Variants in KIAA0232 observed in about 807,000 individuals in gnomAD.
The protein encoded by KIAA0232 is uncharacterized protein KIAA0232.
In KIAA0232, 27 loss-of-function variants were observed where a neutral mutation model predicts 122.0. The observed-to-expected ratio is 0.22, with a 90% CI of 0.16 to 0.31. The LOEUF is 0.31. KIAA0232 is among the 10% of genes least tolerant of loss of function. The pLI, the probability that KIAA0232 is intolerant of heterozygous loss-of-function variation, is 1.00. For missense variants in KIAA0232, 1,551 were observed against 1,634.2 expected (o/e 0.95, Z 0.88); for synonymous variants, 613 against 587.6 (o/e 1.04, Z -0.63).
intron 2 of KIAA0232, among the ~76,000 whole-genome samples, chr4:6,808,432 G>C (rs536856823): frequency 1.3e-5 from 2 of 149,474 alleles, no homozygotes; most frequent in African/African-American, 5.0e-5. Context: ...GAAAGGACCA[G>C]TTAAAAATAT....
intron 4 of KIAA0232, among the ~76,000 whole-genome samples, chr4:6,853,253 C>A (rs1223324783): frequency 2.6e-5 from 4 of 152,080 alleles, no homozygotes; most frequent in Admixed American, 1.3e-4. Context: ...AAAATTATAA[C>A]CATGATAATA....
intron 3 of KIAA0232, among the ~76,000 whole-genome samples, chr4:6,827,676 G>A (rs1445951884): frequency 1.3e-5 from 2 of 152,206 alleles, no homozygotes; most frequent in African/African-American, 4.8e-5. Context: ...TTTGGTCTCA[G>A]TTGTGCAGGA....
rs746265750 is a variant in KIAA0232, at chr4:6,824,416, A to G, written c.-38A>G. 1.3e-6 allele frequency: 2 copies of G among 1,527,284 alleles called. No homozygotes were observed. The highest frequency in any genetic ancestry group is 2.2e-5 in the East Asian group (1 of 44,468). 94.6% of individuals were successfully genotyped at this position (1,527,284 alleles called of 1,614,324 possible). ...TACCAACAGAATATCAACTGCAGAA[A>G]ATGCTTCACATTTTAAGGATGTCGG... On this transcript the variant is annotated 5_prime_UTR_variant, in exon 3 of 10. Coordinates refer to ENST00000307659, the MANE Select transcript of KIAA0232 (RefSeq NM_014743.3).
chr4:6,822,766 C>CTT (rs537963057), intron 2 of KIAA0232, among the ~76,000 whole-genome samples: 1 of 136,674 alleles, frequency 7.3e-6, no homozygotes, highest in Admixed American at 7.3e-5. Context: ...AGACAAGTTT[C>CTT]TTTTTTTTTT....
At chr4:6,813,882 A>G (rs1717994381) in intron 2 of KIAA0232, among the ~76,000 whole-genome samples, 1 of 152,106 alleles carries the variant, frequency 6.6e-6, no homozygotes, top group Admixed American at 6.5e-5. Flanking sequence ...GGGCTGCCAT[A>G]GGAGTGAGCC....
intron 4 of KIAA0232, among the ~76,000 whole-genome samples, chr4:6,851,155 A>G (rs571623012): frequency 6.6e-6 from 1 of 152,318 alleles, no homozygotes; most frequent in South Asian, 2.1e-4. Context: ...TCTTATATGA[A>G]TTACTTTGTT....
intron 4 of KIAA0232, among the ~76,000 whole-genome samples, chr4:6,849,694 G>C (rs774507390): frequency 1.3e-5 from 2 of 151,954 alleles, no homozygotes; most frequent in Non-Finnish European, 2.9e-5. Context: ...TGGGAAAATT[G>C]CTTGAACCAG....
intron 1 of KIAA0232, among the ~76,000 whole-genome samples, chr4:6,797,216 T>G (rs796933982): frequency 8.5e-5 from 13 of 152,332 alleles, no homozygotes; most frequent in African/African-American, 2.4e-4. Flanking sequence ...CTCCTCTGAC[T>G]GGAACTTACT....
At chr4:6,827,547 C>T (rs796235701) in intron 3 of KIAA0232, among the ~76,000 whole-genome samples, 3 of 152,336 alleles carry the variant, frequency 2.0e-5, no homozygotes, top group African/African-American at 7.2e-5. Flanking sequence ...TTCGCTCACC[C>T]CTTAGTCCTT....
Position 6,862,943 on chromosome 4 carries a change from A to G in KIAA0232, c.2561A>G (p.Asp854Gly). The G allele has an allele frequency of 6.2e-7, 1 of 1,614,220 alleles. No individual in the cohort carries two copies. Among genetic ancestry groups the G allele is most frequent in the South Asian group, 1.1e-5 (1 of 91,086 alleles). ...ERTDAELFSA[D>G]VNNYCCCLDA... ...ACTGATGCTGAGTTGTTTTCGGCAG[A>G]TGTAAATAACTACTGCTGCTGTCTA... Residue 854 changes from aspartate (D) to glycine (G), a missense_variant, in exon 7 of 10, where the codon GAT becomes GGT. Physicochemically the swap from Asp to Gly is moderately conservative, Grantham distance 94 (BLOSUM62 -1). Coordinates refer to ENST00000307659, the MANE Select transcript of KIAA0232 (RefSeq NM_014743.3).
chr4:6,829,919 T>C (rs1363524612), intron 3 of KIAA0232, among the ~76,000 whole-genome samples: 1 of 152,232 alleles, frequency 6.6e-6, no homozygotes, highest in Admixed American at 6.5e-5. Context: ...ATTGTTCTTA[T>C]AACCCCAAAT....
At chr4:6,791,863 T>C (rs1165622374) in intron 1 of KIAA0232, among the ~76,000 whole-genome samples, 1 of 152,186 alleles carries the variant, frequency 6.6e-6, no homozygotes, top group Non-Finnish European at 1.5e-5. Context: ...CATCTTGAAT[T>C]CCCACATGTT....
rs533666759 is a variant in KIAA0232, at chr4:6,793,556, C to T, written c.-354+10715C>T. On this transcript the variant is annotated intron_variant, in intron 1 of 9. Transcript: ENST00000307659. Reference sequence around the variant, plus strand: ...AGTAAAACCTTAAGCTCATCATAGGCGAGTCAGAAATGAAAATAAAGTTTA... The same window carrying T: ...AGTAAAACCTTAAGCTCATCATAGGTGAGTCAGAAATGAAAATAAAGTTTA... Among the ~76,000 whole-genome samples, 36 of 152,140 alleles carry T rather than the reference C, an allele frequency of 2.4e-4. 1 individual carries two copies. In the South Asian group the frequency reaches 6.9e-3, roughly 29 times the overall value.
chr4:6,840,436 C>G (rs753822256), intron 3 of KIAA0232, among the ~76,000 whole-genome samples: 1 of 152,222 alleles, frequency 6.6e-6, no homozygotes, highest in Non-Finnish European at 1.5e-5. Flanking sequence ...TGCTCAGCAG[C>G]TAGCCTCCAG....
chr4:6,819,074 A>G (rs894674311), intron 2 of KIAA0232, among the ~76,000 whole-genome samples: 10 of 152,236 alleles, frequency 6.6e-5, no homozygotes, highest in African/African-American at 2.4e-4. Context: ...ATAAAAATTG[A>G]CCCAACATGG....
chr4:6,882,003 G>T lies in KIAA0232; in HGVS notation c.*1037G>T, dbSNP rs1722093427. The T allele has an allele frequency of 6.6e-6, 1 of 152,668 alleles. No individual in the cohort carries two copies. Among genetic ancestry groups the T allele is most frequent in the Non-Finnish European group, 1.5e-5 (1 of 68,056 alleles). 9.5% of individuals were successfully genotyped at this position (152,668 alleles called of 1,614,324 possible). ...TTCTGTGTGTGGTGGGTTGGGGCGG[G>T]TAGAGTCATGAGTTTTCCACATCCC... On this transcript the variant is annotated 3_prime_UTR_variant, in exon 10 of 10. Coordinates refer to ENST00000307659, the MANE Select transcript of KIAA0232 (RefSeq NM_014743.3).
rs574727226 is a variant in KIAA0232 at position 6,792,963 on chromosome 4, G to A, written c.-354+10122G>A. ...AGCCTCCCAAAGTGCTGGGATTACA[G>A]GCATGAGCCACCGTGCTCGGCCATT... On this transcript the variant is annotated intron_variant, in intron 1 of 9. Transcript: ENST00000307659. Among the ~76,000 whole-genome samples, 3 of 152,196 alleles carry A rather than the reference G, an allele frequency of 2.0e-5. No individual in the cohort carries two copies. The South Asian group carries it at 6.2e-4, about 32-fold the overall frequency.
rs530404554 is a variant in KIAA0232 at position 6,822,999 on chromosome 4, A to G, written c.-269-1186A>G. Among the ~76,000 whole-genome samples, 246 of 146,640 alleles carry G rather than the reference A, an allele frequency of 1.7e-3. 2 individuals carry two copies. Among genetic ancestry groups the G allele is most frequent in the East Asian group, 0.013 (61 of 4,864 alleles). The stretch of plus-strand genomic sequence containing the variant: ...TGTGTCCATGTGTTCTCATTGTTCA[A>G]TTCCCACCTATGAGTGAGAATATGT... On this transcript the variant is annotated intron_variant, in intron 2 of 9. Coordinates refer to ENST00000307659, the MANE Select transcript of KIAA0232 (RefSeq NM_014743.3).
intron 9 of KIAA0232, 69 bp from the exon 10 acceptor site, chr4:6,880,714 TATAG>T: frequency 9.9e-7 from 1 of 1,007,312 alleles, no homozygotes; most frequent in Non-Finnish European, 1.4e-6. Context: ...CTTCTTTGTA[TATAG>T]ATAGAGTATC....
Sources: allele counts gnomAD v4.1 joint callset (sites outside exome capture counted in the v4.1 genomes callset), GRCh38; gene constraint gnomAD v4.1.1; transcripts MANE v1.5; gene names NCBI Gene and HGNC (gene_info 2026-07-23, HGNC 2026-07-21).